The following PTPRD variants were observed in gnomAD, a reference collection of about 807,000 sequenced individuals.
PTPRD encodes protein tyrosine phosphatase receptor type D, also known as receptor-type tyrosine-protein phosphatase delta.
In PTPRD, 34 loss-of-function variants were observed where a neutral mutation model predicts 214.5. That is an observed-to-expected ratio of 0.16 (90% confidence interval 0.12 to 0.21). The LOEUF is 0.21. Ranked by LOEUF, PTPRD falls within the 10% of genes least tolerant of loss-of-function variation. The pLI is 1.00. For synonymous variants in PTPRD, 1,128 were observed against 845.7 expected (o/e 1.33, Z -5.79); for missense variants, 2,545 against 2,398.7 (o/e 1.06, Z -1.27).
At chr9:9,100,931 G>A (rs908200919) in intron 10 of PTPRD, among the ~76,000 whole-genome samples, 14 of 152,042 alleles carry the variant, frequency 9.2e-5, no homozygotes, top group Non-Finnish European at 1.9e-4. Flanking sequence ...AATTTATAAT[G>A]CGTAAATTGG....
At chr9:8,443,796 T>C (rs2095628687) in intron 34 of PTPRD, among the ~76,000 whole-genome samples, 1 of 152,146 alleles carries the variant, frequency 6.6e-6, no homozygotes, top group South Asian at 2.1e-4. Context: ...GCATCTTCTC[T>C]TACAACTTTC....
chr9:9,940,278 T>C (rs1404606584), intron 4 of PTPRD, among the ~76,000 whole-genome samples: 1 of 152,074 alleles, frequency 6.6e-6, no homozygotes, highest in African/African-American at 2.4e-5. Flanking sequence ...GGATAAAGGA[T>C]AAACCCCGCT....
At chr9:9,330,284 G>C (rs2041822716) in intron 9 of PTPRD, among the ~76,000 whole-genome samples, 1 of 151,956 alleles carries the variant, frequency 6.6e-6, no homozygotes, top group African/African-American at 2.4e-5. Flanking sequence ...ATTCTCAAAT[G>C]ACTTTCCTTT....
chr9:9,247,627 C>T (rs190983837), intron 9 of PTPRD, among the ~76,000 whole-genome samples: 1 of 152,014 alleles, frequency 6.6e-6, no homozygotes, highest in African/African-American at 2.4e-5. Flanking sequence ...CTCTACATAG[C>T]CAAAGCCTCT....
intron 3 of PTPRD, among the ~76,000 whole-genome samples, chr9:10,062,791 T>C (rs1348832639): frequency 6.6e-6 from 1 of 152,010 alleles, no homozygotes; most frequent in South Asian, 2.1e-4. Flanking sequence ...TCCCAAAGGC[T>C]AATTATGGTT....
chr9:9,241,425 T>C (rs973844396), intron 9 of PTPRD, among the ~76,000 whole-genome samples: 2 of 152,122 alleles, frequency 1.3e-5, no homozygotes, highest in Non-Finnish European at 2.9e-5. Context: ...GGGGAAACAC[T>C]TCTTAACTTA....
intron 2 of PTPRD, among the ~76,000 whole-genome samples, chr9:10,572,508 T>C (rs1161464027): frequency 1.3e-5 from 2 of 152,146 alleles, no homozygotes; most frequent in Admixed American, 1.3e-4. Flanking sequence ...AAGAATGATG[T>C]CCTCAAGACC....
At chr9:8,718,360 T>C (rs1565527958) in intron 12 of PTPRD, among the ~76,000 whole-genome samples, 1 of 152,180 alleles carries the variant, frequency 6.6e-6, no homozygotes, top group African/African-American at 2.4e-5. Context: ...ATAATTATCA[T>C]AATACCCCTC....
At chr9:10,365,848 T>C (rs2097505101) in intron 2 of PTPRD, among the ~76,000 whole-genome samples, 2 of 152,148 alleles carry the variant, frequency 1.3e-5, no homozygotes, top group Non-Finnish European at 2.9e-5. Context: ...ATTTCTCCGA[T>C]TTGGATGGAA....
chr9:10,344,657 C>A (rs1385529881), intron 2 of PTPRD, among the ~76,000 whole-genome samples: 1 of 152,108 alleles, frequency 6.6e-6, no homozygotes, highest in Admixed American at 6.5e-5. Context: ...TTCTTCCTAT[C>A]CATGAGCATG....
chr9:8,344,529 A>G (rs1324042547), intron 39 of PTPRD, among the ~76,000 whole-genome samples: 3 of 152,062 alleles, frequency 2.0e-5, no homozygotes, highest in African/African-American at 4.8e-5. Flanking sequence ...ATGAAAAGAA[A>G]TAACAGAGGC....
At chr9:8,962,345 T>G (rs1237474584) in intron 11 of PTPRD, among the ~76,000 whole-genome samples, 1 of 152,126 alleles carries the variant, frequency 6.6e-6, no homozygotes, top group East Asian at 1.9e-4. Context: ...AAGCACATGA[T>G]TCAGAGAGGC....
chr9:10,038,545 T>C (rs1385748265), intron 3 of PTPRD, among the ~76,000 whole-genome samples: 1 of 152,122 alleles, frequency 6.6e-6, no homozygotes, highest in Non-Finnish European at 1.5e-5. Flanking sequence ...AACCTCATAT[T>C]GGAGATACTA....
chr9:10,003,407 G>A (rs755783366), intron 4 of PTPRD, among the ~76,000 whole-genome samples: 5 of 151,796 alleles, frequency 3.3e-5, no homozygotes, highest in Non-Finnish European at 7.4e-5. Context: ...ATAATTTGAA[G>A]TTGGGGGATA....
At chr9:9,088,714 A>G (rs573263329) in intron 10 of PTPRD, among the ~76,000 whole-genome samples, 2 of 151,590 alleles carry the variant, frequency 1.3e-5, no homozygotes, top group East Asian at 2.0e-4. Context: ...AGCCTTGCCT[A>G]GCTTGCTGAG....
chr9:8,606,068 C>T (rs2095192146), intron 14 of PTPRD, among the ~76,000 whole-genome samples: 1 of 151,922 alleles, frequency 6.6e-6, no homozygotes, highest in South Asian at 2.1e-4. Context: ...GCTTTATAAG[C>T]ACAAAACAAT....
At chr9:9,586,996 G>C (rs1285720241) in intron 7 of PTPRD, among the ~76,000 whole-genome samples, 1 of 151,900 alleles carries the variant, frequency 6.6e-6, no homozygotes, top group Non-Finnish European at 1.5e-5. Context: ...CTGTGATGTT[G>C]AATTAAGGAA....
At chr9:9,390,265 T>G (rs2065345436) in intron 9 of PTPRD, among the ~76,000 whole-genome samples, 1 of 152,188 alleles carries the variant, frequency 6.6e-6, no homozygotes, top group South Asian at 2.1e-4. Context: ...AAGGCCATTG[T>G]AAGGACTTGG....
At chr9:10,122,033 T>C (rs291299) in intron 3 of PTPRD, among the ~76,000 whole-genome samples, 112,207 of 152,142 alleles carry the variant, frequency 0.74, 41,972 homozygotes, top group Middle Eastern at 0.89. Context: ...CTTGGCCTGG[T>C]GCGGTGGCTC....
Sources: allele counts gnomAD v4.1 joint callset (sites outside exome capture counted in the v4.1 genomes callset), GRCh38; gene constraint gnomAD v4.1.1; transcripts MANE v1.5; gene names NCBI Gene and HGNC (gene_info 2026-07-23, HGNC 2026-07-21).